ADAM10: variants seen among roughly 807,000 people sequenced by gnomAD.
ADAM10 encodes the protein ADAM metallopeptidase domain 10.
A neutral mutation model predicts 90.1 loss-of-function variants in ADAM10; 17 were observed. That is an observed-to-expected ratio of 0.19 (90% CI 0.13 to 0.28). ADAM10 has a LOEUF of 0.28. Among genes scored for constraint, ADAM10 ranks in the 10% least tolerant of loss-of-function variants. The pLI is 1.00. For missense variants in ADAM10, 610 were observed against 914.3 expected (o/e 0.67, Z 4.29); for synonymous variants, 310 against 298.6 (o/e 1.04, Z -0.40).
rs533093395 is a variant in ADAM10 at position 58,685,228 on chromosome 15, G to A, written c.207-2914C>T. Among the ~76,000 whole-genome samples the A allele has an allele frequency of 1.4e-3, 213 of 148,098 alleles. 4 individuals are homozygous for A. The South Asian group carries it at 0.043, about 30-fold the overall frequency. On this transcript the variant is annotated intron_variant, in intron 2 of 15. Coordinates refer to ENST00000260408, the MANE Select transcript of ADAM10 (RefSeq NM_001110.4). ...TGTAATCCCAGCATTTGGGGAGGCC[G>A]ACGCAGGCAGATCATGAGGTCAGGA...
chr15:58,589,890 G>C lies in ADAM10; in HGVS notation c.*7657C>G, dbSNP rs2140978138. 1 of 152,014 alleles carries C rather than the reference G, an allele frequency of 6.6e-6. No individual in the cohort carries two copies. Among genetic ancestry groups the C allele is most frequent in the Non-Finnish European group, 1.5e-5 (1 of 68,000 alleles). 9.4% of individuals were successfully genotyped at this position (152,014 alleles called of 1,614,324 possible). Reference sequence around the variant, plus strand: ...GATTGTTGGGCCAATATCCTAAGGAGAATAACCAAGTATGACACCTGCCAA... The same window carrying C: ...GATTGTTGGGCCAATATCCTAAGGACAATAACCAAGTATGACACCTGCCAA... On this transcript the variant is annotated 3_prime_UTR_variant, in exon 16 of 16. Coordinates refer to ENST00000260408, the MANE Select transcript of ADAM10 (RefSeq NM_001110.4).
intron 8 of ADAM10, among the ~76,000 whole-genome samples, chr15:58,635,539 A>AAT (rs1353889451): frequency 6.6e-6 from 1 of 152,124 alleles, no homozygotes; most frequent in Admixed American, 6.5e-5. Flanking sequence ...GTGAGAATTT[A>AAT]ATATATTTTC....
intron 4 of ADAM10, among the ~76,000 whole-genome samples, chr15:58,675,480 T>C (rs182593766): frequency 6.6e-6 from 1 of 152,356 alleles, no homozygotes; most frequent in East Asian, 1.9e-4. Flanking sequence ...AATACTATTC[T>C]AGTTTATGGA....
intron 5 of ADAM10, among the ~76,000 whole-genome samples, chr15:58,661,935 A>C (rs910700309): frequency 6.6e-6 from 1 of 152,138 alleles, no homozygotes; most frequent in African/African-American, 2.4e-5. Flanking sequence ...TCTTTATTAG[A>C]ATTTCCATTC....
At chr15:58,737,580 C>T (rs1345125771) in intron 1 of ADAM10, among the ~76,000 whole-genome samples, 1 of 152,160 alleles carries the variant, frequency 6.6e-6, no homozygotes, top group Admixed American at 6.5e-5. Context: ...AATAACAACA[C>T]GTATCTCATA....
chr15:58,617,156 G>T (rs114926237), intron 11 of ADAM10, among the ~76,000 whole-genome samples: 1 of 151,724 alleles, frequency 6.6e-6, no homozygotes, highest in Non-Finnish European at 1.5e-5. Context: ...TCAACAAAAT[G>T]AACAGTTGGT....
chr15:58,747,498 T>C (rs1478908729), intron 1 of ADAM10: 2 of 152,248 alleles, frequency 1.3e-5, no homozygotes, highest in Non-Finnish European at 2.9e-5. Flanking sequence ...TGCTGAAGTC[T>C]ACAAATCATC....
rs547642543 is a variant in ADAM10 at position 58,646,352 on chromosome 15, C to T, written c.586-148G>A. 1.3e-5 allele frequency: 11 copies of T among 817,678 alleles called. No homozygotes were observed. The African/African-American group carries it at 1.9e-4, about 14-fold the overall frequency. 50.7% of individuals were successfully genotyped at this position (817,678 alleles called of 1,614,324 possible). ...CTGCCATTAAAAGTTCATAAAATCA[C>T]TTTGTCTCATAATCTTCTCCATATA... is the stretch of plus-strand genomic sequence containing the variant. On this transcript the variant is annotated intron_variant, in intron 5 of 15. Coordinates refer to ENST00000260408, the MANE Select transcript of ADAM10 (RefSeq NM_001110.4).
chr15:58,674,274 C>T (rs1897264460), intron 4 of ADAM10, among the ~76,000 whole-genome samples: 1 of 152,158 alleles, frequency 6.6e-6, no homozygotes, highest in African/African-American at 2.4e-5. Context: ...TATCACTGTG[C>T]TTAAATAAGT....
chr15:58,743,912 C>T (rs140526533), intron 1 of ADAM10, among the ~76,000 whole-genome samples: 3 of 152,146 alleles, frequency 2.0e-5, no homozygotes. Flanking sequence ...CTGGCCAACA[C>T]TTTTTCTTAA....
rs200347798 is a variant in ADAM10, at chr15:58,611,772, A to G, written c.1695+36T>C. The G allele has an allele frequency of 2.9e-5, 47 of 1,600,404 alleles. No individual in the cohort carries two copies. The African/African-American group carries it at 5.4e-4, about 18-fold the overall frequency. ...AATTCTTCTGAAAAACAAGTTTTCT[A>G]AAATTAAATTTTAAAACATATAGTT... On this transcript the variant is annotated intron_variant, in intron 12 of 15. Coordinates refer to ENST00000260408, the MANE Select transcript of ADAM10 (RefSeq NM_001110.4).
chr15:58,662,817 C>G (rs2140725493), intron 5 of ADAM10, among the ~76,000 whole-genome samples: 1 of 152,222 alleles, frequency 6.6e-6, no homozygotes, highest in Non-Finnish European at 1.5e-5. Context: ...CTCAACACAG[C>G]TCTCTCCTCT....
chr15:58,678,950 T>C (rs1417892574), intron 4 of ADAM10, among the ~76,000 whole-genome samples, 174 bp downstream of exon 4: 1 of 152,210 alleles, frequency 6.6e-6, no homozygotes, highest in East Asian at 1.9e-4. Flanking sequence ...GACAAGGAAA[T>C]TGCCTCATTA....
At chr15:58,691,111 A>G (rs764891708) in intron 2 of ADAM10, 2 of 673,500 alleles carry the variant, frequency 3.0e-6, no homozygotes, top group African/African-American at 3.5e-5. Context: ...ATCTAGCTGT[A>G]GGTGCTGGTC....
chr15:58,726,567 CAA>C (rs71116593), intron 1 of ADAM10, among the ~76,000 whole-genome samples: 17 of 20,778 alleles, frequency 8.2e-4, no homozygotes, highest in African/African-American at 3.2e-3. Context: ...CTCAGTCTCC[CAA>C]AAAAAAAAAA....
intron 5 of ADAM10, among the ~76,000 whole-genome samples, chr15:58,658,429 T>G (rs1258109705): frequency 2.0e-5 from 3 of 152,212 alleles, no homozygotes; most frequent in Non-Finnish European, 4.4e-5. Context: ...AACCAAATAC[T>G]ATTAAATCTT....
chr15:58,665,479 C>T (rs1211305499), intron 4 of ADAM10, among the ~76,000 whole-genome samples: 1 of 152,044 alleles, frequency 6.6e-6, no homozygotes, highest in Non-Finnish European at 1.5e-5. Flanking sequence ...GACCCTATCA[C>T]CAATATATTG....
chr15:58,673,035 T>G, intron 4 of ADAM10: 1 of 197,502 alleles, frequency 5.1e-6, no homozygotes, highest in South Asian at 1.0e-4. Context: ...AGGCTTTGTT[T>G]TTAAACTGTA....
At chr15:58,682,401 A>C (rs1897466103) in intron 2 of ADAM10, 87 bp from the exon 3 acceptor site, 1 of 1,518,528 alleles carries the variant, frequency 6.6e-7, no homozygotes. Context: ...AAAGTCTACA[A>C]AATGTGGACT....
Sources: allele counts gnomAD v4.1 joint callset (sites outside exome capture counted in the v4.1 genomes callset), GRCh38; gene constraint gnomAD v4.1.1; transcripts MANE v1.5; gene names NCBI Gene and HGNC (gene_info 2026-07-23, HGNC 2026-07-21).